The following INTS4 variants were observed in gnomAD, a reference collection of about 807,000 sequenced individuals.
The protein encoded by INTS4 is integrator complex subunit 4, also known as MSTP093.
Under a neutral mutation model 119.5 loss-of-function variants are expected in INTS4, and 70 were observed. The ratio of observed to expected loss-of-function variants is 0.59; its 90% CI spans 0.48 to 0.71. INTS4 has a LOEUF of 0.71. Ranked by LOEUF, INTS4 falls within the 30% of genes least tolerant of loss-of-function variation. The pLI is 0.00. For synonymous variants in INTS4, 316 were observed against 419.6 expected (o/e 0.75, Z 3.02); for missense variants, 867 against 1,173.2 (o/e 0.74, Z 3.81).
chr11:77,948,547 T>G (rs1954103471), intron 8 of INTS4, among the ~76,000 whole-genome samples: 1 of 150,758 alleles, frequency 6.6e-6, no homozygotes, highest in African/African-American at 2.4e-5. Flanking sequence ...CTGGGGAGGT[T>G]GGGGCACGAG....
In INTS4 at chr11:77,921,651, A is replaced by C. The variant is rs892542806; in HGVS notation, c.1631-178T>G. Among the ~76,000 whole-genome samples, 21 of 152,158 alleles carry C rather than the reference A, an allele frequency of 1.4e-4. 1 individual carries two copies. The highest frequency in any genetic ancestry group is 1.0e-3 in the Admixed American group (16 of 15,276). On this transcript the variant is annotated intron_variant, in intron 13 of 22. Coordinates refer to ENST00000534064, the MANE Select transcript of INTS4 (RefSeq NM_033547.4). ...ACTCCACCCACACCCCCAATTACCA[A>C]AGGTTTTTAAAAATGCCAGAGACTG...
intron 10 of INTS4, among the ~76,000 whole-genome samples, chr11:77,931,624 A>G (rs1301744965): frequency 3.9e-5 from 6 of 152,212 alleles, no homozygotes; most frequent in African/African-American, 2.4e-5. Context: ...AAGGGCCCAC[A>G]TAGCCAAGAC....
rs777362345 is a variant in INTS4 at position 77,979,084 on chromosome 11, G to C, written c.383C>G (p.Ala128Gly). The C allele has an allele frequency of 6.2e-7, 1 of 1,610,380 alleles. No homozygotes were observed. Among genetic ancestry groups the C allele is most frequent in the Non-Finnish European group, 8.5e-7 (1 of 1,176,898 alleles). Residue 128 changes from alanine (A) to glycine (G), a missense_variant, in exon 4 of 23, where the codon GCT becomes GGT. Around this residue, in one of 5 missense-constraint regions of INTS4, gnomAD observed 224 missense variants for 231.8 expected, o/e 0.97. Coordinates refer to ENST00000534064, the MANE Select transcript of INTS4 (RefSeq NM_033547.4). ...TGCAAGCAAAGTATCCAGCAGTTGA[G>C]CTAGGACTTGATGAGACTCTAGAGA... ...LQNEKSHQVL[A>G]QLLDTLLAIG...
At chr11:77,910,299 T>G (rs1953060011) in intron 15 of INTS4, among the ~76,000 whole-genome samples, 1 of 151,696 alleles carries the variant, frequency 6.6e-6, no homozygotes. Flanking sequence ...TGTAGGGACA[T>G]GGATGAAGCT....
In INTS4 at chr11:77,938,656, A is replaced by G; in HGVS notation, c.1160T>C (p.Met387Thr). The change falls in exon 10 of 23, where the codon ATG becomes ACG. Residue 387 changes from methionine (M) to threonine (T), a missense_variant. Physicochemically the swap from Met to Thr is moderately conservative, Grantham distance 81. Coordinates refer to ENST00000534064, the MANE Select transcript of INTS4 (RefSeq NM_033547.4). The stretch of plus-strand genomic sequence containing the variant: ...TATTATACAGTCATACTTACCATAC[A>G]TCTCATCTTCCAACCCATGAACAAA... ...GAFVHGLEDEMYEVRIAAVEA... is the reference protein window; with the variant it reads ...GAFVHGLEDETYEVRIAAVEA... The G allele has an allele frequency of 6.2e-7, 1 of 1,611,004 alleles. No individual in the cohort carries two copies. Among genetic ancestry groups the G allele is most frequent in the South Asian group, 1.1e-5 (1 of 90,846 alleles).
At position 77,978,836 on chromosome 11, in the gene INTS4, A is replaced by C. The variant is rs958957327; in HGVS notation, c.471+160T>G. 8.2e-6 allele frequency: 4 copies of C among 489,246 alleles called. No homozygotes were observed. The South Asian group carries it at 1.0e-4, about 12-fold the overall frequency. 30.3% of individuals were successfully genotyped at this position (489,246 alleles called of 1,614,324 possible). ...CTGTAATTATTTTCATTTGTTTTGA[A>C]AGGATGACGAAATACACTTTATAAC... On this transcript the variant is annotated intron_variant, in intron 4 of 22. Coordinates refer to ENST00000534064, the MANE Select transcript of INTS4 (RefSeq NM_033547.4).
intron 8 of INTS4, 152 bp from the exon 9 acceptor site, chr11:77,941,403 A>AAATATTAGCTGT: frequency 1.3e-6 from 1 of 797,208 alleles, no homozygotes; most frequent in Non-Finnish European, 1.9e-6. Context: ...AGGAAAATAA[A>AAATATTAGCTGT]AATATTAGCA....
intron 15 of INTS4, chr11:77,918,220 T>C (rs1467527022): frequency 1.1e-5 from 7 of 651,774 alleles, no homozygotes; most frequent in Non-Finnish European, 2.0e-5. Flanking sequence ...TCACTTGAGC[T>C]CAGGAGTTTG....
rs137998555 is a variant in INTS4, at chr11:77,929,481, G to C, written c.1166-934C>G. Among the ~76,000 whole-genome samples the C allele has an allele frequency of 3.7e-3, 570 of 152,210 alleles. 4 individuals carry two copies. Among genetic ancestry groups the C allele is most frequent in the African/African-American group, 0.013 (537 of 41,526 alleles). ...ATTGTCTTACTTATCTCAGTATTCT[G>C]ACCACAGTACTTTTTAAAAAGTCAG... On this transcript the variant is annotated intron_variant, in intron 10 of 22. Transcript: ENST00000534064.
chr11:77,892,288 G>A (rs1435676566), intron 19 of INTS4, among the ~76,000 whole-genome samples: 1 of 152,142 alleles, frequency 6.6e-6, no homozygotes, highest in Non-Finnish European at 1.5e-5. Context: ...AGACTCAGAG[G>A]GGATGATGCC....
At chr11:77,977,363 C>T (rs913554654) in intron 4 of INTS4, among the ~76,000 whole-genome samples, 2 of 151,108 alleles carry the variant, frequency 1.3e-5, no homozygotes, top group Admixed American at 1.3e-4. Context: ...AAAACACATA[C>T]AAGAAAAATA....
intron 4 of INTS4, among the ~76,000 whole-genome samples, chr11:77,969,690 G>A (rs1052884919): frequency 1.3e-5 from 2 of 150,380 alleles, no homozygotes; most frequent in East Asian, 3.9e-4. Context: ...ATGCTTTTCC[G>A]TACTGCACAT....
chr11:77,959,089 G>C (rs1339238487), intron 6 of INTS4, among the ~76,000 whole-genome samples: 1 of 152,146 alleles, frequency 6.6e-6, no homozygotes, highest in Non-Finnish European at 1.5e-5. Context: ...ATCTAGAACA[G>C]ATCAAACCCA....
intron 2 of INTS4, among the ~76,000 whole-genome samples, chr11:77,982,092 A>T (rs973095806): frequency 1.3e-5 from 2 of 151,430 alleles, no homozygotes. Context: ...TGAGTGTTGC[A>T]GCTACCACTG....
At chr11:77,965,147 G>C (rs1855445150) in intron 4 of INTS4, among the ~76,000 whole-genome samples, 1 of 151,978 alleles carries the variant, frequency 6.6e-6, no homozygotes, top group African/African-American at 2.4e-5. Context: ...CACATAGCCT[G>C]GAACTCCTGG....
chr11:77,962,519 A>T (rs559561699), intron 4 of INTS4, among the ~76,000 whole-genome samples: 1 of 152,326 alleles, frequency 6.6e-6, no homozygotes, highest in Admixed American at 6.5e-5. Flanking sequence ...AACATAAATT[A>T]AAAATACTTT....
At chr11:77,980,783 G>A (rs1856175384) in intron 3 of INTS4, among the ~76,000 whole-genome samples, 1 of 152,118 alleles carries the variant, frequency 6.6e-6, no homozygotes, top group South Asian at 2.1e-4. Flanking sequence ...AAGGTCAGGA[G>A]ATCAAGACCA....
chr11:77,961,152 A>G lies in INTS4; in HGVS notation c.472-14T>C, dbSNP rs1954463868. On this transcript the variant is annotated splice_polypyrimidine_tract_variant and intron_variant, in intron 4 of 22. Transcript: ENST00000534064. ...ATCTGTCAGATGCTATTAAAAAAAA[A>G]AAAAAAAAGAAAAAAAGAAAAAGAA... 2.6e-6 allele frequency: 4 copies of G among 1,545,070 alleles called. No homozygotes were observed. The highest frequency in any genetic ancestry group is 2.6e-6 in the Non-Finnish European group (3 of 1,155,170).
intron 17 of INTS4, 68 bp from the exon 18 acceptor site, chr11:77,901,619 C>T (rs993515053): frequency 1.1e-5 from 13 of 1,229,886 alleles, no homozygotes; most frequent in Non-Finnish European, 1.3e-5. Context: ...GCATAGAATT[C>T]TACTGTTAAA....
Sources: allele counts gnomAD v4.1 joint callset (sites outside exome capture counted in the v4.1 genomes callset), GRCh38; gene constraint gnomAD v4.1.1; regional missense constraint gnomAD v4.1.1; transcripts MANE v1.5; gene names NCBI Gene and HGNC (gene_info 2026-07-23, HGNC 2026-07-21).